The following THOP1 variants were observed in gnomAD, a reference collection of about 807,000 sequenced individuals.
The protein encoded by THOP1 is thimet oligopeptidase 1.
In THOP1, 49 loss-of-function variants were observed where a neutral mutation model predicts 71.8. That is an observed-to-expected ratio of 0.68 (90% CI 0.54 to 0.87). THOP1 has a LOEUF of 0.87. Ranked by LOEUF, THOP1 falls within the 40% of genes least tolerant of loss-of-function variation. The pLI is 0.00. For synonymous variants in THOP1, 426 were observed against 421.5 expected, an observed-to-expected ratio of 1.01 and a Z score of -0.13; for missense variants, 843 against 975.6, an observed-to-expected ratio of 0.86 and a Z score of 1.81.
intron 5 of THOP1, among the ~76,000 whole-genome samples, chr19:2,803,999 G>T (rs556514494): frequency 1.9e-4 from 28 of 150,874 alleles, no homozygotes; most frequent in African/African-American, 5.9e-4. Flanking sequence ...GTGAGCTCCC[G>T]ATCGTTCTTT....
At chr19:2,808,150 G>A in intron 8 of THOP1, 93 bp from the exon 9 acceptor site, 1 of 1,400,730 alleles carries the variant, frequency 7.1e-7, no homozygotes, top group Non-Finnish European at 9.8e-7. Context: ...CCGGCGGTCT[G>A]GGTTAGCAGT....
intron 5 of THOP1, among the ~76,000 whole-genome samples, chr19:2,800,861 GTCCCCGCGGCCACCCGCACCA>G (rs1396289658): frequency 2.0e-5 from 3 of 151,752 alleles, no homozygotes; most frequent in South Asian, 2.1e-4. Flanking sequence ...CACCCGCACC[GTCCCCGCGGCCACCCGCACCA>G]TCCCCGTGGG....
chr19:2,789,724 C>T (rs1915832894), intron 1 of THOP1, among the ~76,000 whole-genome samples: 1 of 152,042 alleles, frequency 6.6e-6, no homozygotes, highest in South Asian at 2.1e-4. Flanking sequence ...CTGATCTGTG[C>T]ATGGTGTCTC....
At chr19:2,799,847 C>T in intron 5 of THOP1, 56 bp downstream of exon 5, 1 of 1,487,010 alleles carries the variant, frequency 6.7e-7, no homozygotes, top group Non-Finnish European at 9.3e-7. Flanking sequence ...TCAGTGCAGG[C>T]CTGCCAGGCC....
At chr19:2,803,036 G>A (rs1184557463) in intron 5 of THOP1, among the ~76,000 whole-genome samples, 2 of 151,032 alleles carry the variant, frequency 1.3e-5, no homozygotes, top group South Asian at 2.1e-4. Context: ...ACTGTGGGGC[G>A]CGCGGTACCG....
In THOP1 at chr19:2,785,623, T is replaced by G. The variant is rs1009015150; in HGVS notation, c.-40T>G. The G allele has an allele frequency of 6.7e-7, 1 of 1,500,896 alleles. No individual in the cohort carries two copies. The highest frequency in any genetic ancestry group is 8.9e-7 in the Non-Finnish European group (1 of 1,126,412). The allele number at this position is 1,500,896 out of a possible 1,614,324, so 93.0% of individuals were successfully genotyped here. On this transcript the variant is annotated 5_prime_UTR_variant, in exon 1 of 13. Coordinates refer to ENST00000307741, the MANE Select transcript of THOP1 (RefSeq NM_003249.5). Reference sequence around the variant, plus strand: ...CCGAGGTGGCTGGACGCGTAGCAGGTGGAAGGAGGGAGGGAGCCGCAGGCG... The same window carrying G: ...CCGAGGTGGCTGGACGCGTAGCAGGGGGAAGGAGGGAGGGAGCCGCAGGCG...
chr19:2,806,299 G>A (rs1054514145), intron 6 of THOP1: 9 of 153,042 alleles, frequency 5.9e-5, no homozygotes, highest in African/African-American at 2.2e-4. Flanking sequence ...GGTGGGCTGA[G>A]TTCCAGGTCC....
At chr19:2,811,542 G>T in intron 11 of THOP1, 56 bp from the exon 12 acceptor site, 1 of 1,570,972 alleles carries the variant, frequency 6.4e-7, no homozygotes, top group South Asian at 1.2e-5. Flanking sequence ...TCTTCTCCTG[G>T]AGGAGGAGCA....
At chr19:2,788,877 C>T (rs1438272835) in intron 1 of THOP1, among the ~76,000 whole-genome samples, 2 of 152,138 alleles carry the variant, frequency 1.3e-5, no homozygotes, top group African/African-American at 2.4e-5. Flanking sequence ...TTTCCTGTCT[C>T]GGCCTCCAGA....
Position 2,808,463 on chromosome 19 carries a change from A to T in THOP1, c.1455+19A>T. On this transcript the variant is annotated intron_variant, in intron 9 of 12. Coordinates refer to ENST00000307741, the MANE Select transcript of THOP1 (RefSeq NM_003249.5). Reference sequence around the variant, plus strand: ...CTCCCAGGTGGGTGCGGGCCCGGGCAGGGGCAGGGGCAGGGGCAGGGGCAG... The same window carrying T: ...CTCCCAGGTGGGTGCGGGCCCGGGCTGGGGCAGGGGCAGGGGCAGGGGCAG... 2 of 1,439,282 alleles carry T rather than the reference A, an allele frequency of 1.4e-6. No individual in the cohort carries two copies. The highest frequency in any genetic ancestry group is 3.4e-5 in the South Asian group (2 of 58,852). The allele number at this position is 1,439,282 out of a possible 1,614,324, so 89.2% of individuals were successfully genotyped here. A position where few individuals can be genotyped will look rare whatever the true frequency, so the allele number is the denominator to read the frequency against.
chr19:2,808,467 G>T (rs1417042816), intron 9 of THOP1, 23 bp downstream of exon 9: 4 of 1,525,880 alleles, frequency 2.6e-6, no homozygotes, highest in Non-Finnish European at 2.6e-6. Flanking sequence ...CCGGGCAGGG[G>T]CAGGGGCAGG....
rs1271206757 is a variant in THOP1, at chr19:2,801,587, T to C, written c.589+1796T>C. 6.6e-6 allele frequency among the ~76,000 whole-genome samples: 1 copy of C among 152,198 alleles called. No individual in the cohort carries two copies. The highest frequency in any genetic ancestry group is 2.4e-5 in the African/African-American group (1 of 41,440). On this transcript the variant is annotated intron_variant, in intron 5 of 12. Transcript: ENST00000307741. This position sits in a 1 kb window ranked among gnomAD's most constrained non-coding sequence, Gnocchi z 5.1. Reference sequence around the variant, plus strand: ...TCATTTCTCAGGAGACGCCTTGCGATGGTCTTAGTTCCTTTTCTTCTGCTT... The same window carrying C: ...TCATTTCTCAGGAGACGCCTTGCGACGGTCTTAGTTCCTTTTCTTCTGCTT...
Position 2,813,377 on chromosome 19 carries a change from CTGG to C in THOP1, c.*102_*104del. On this transcript the variant is annotated 3_prime_UTR_variant, in exon 13 of 13. Coordinates refer to ENST00000307741, the MANE Select transcript of THOP1 (RefSeq NM_003249.5). The stretch of plus-strand genomic sequence containing the variant: ...GCAGGCTCTGGCACAGTGCCTGGGA[CTGG>C]CAGGGTGGCTGAGCGGCTGTCTTGC... The C allele has an allele frequency of 2.2e-6, 3 of 1,368,976 alleles. No individual in the cohort carries two copies. Among genetic ancestry groups the C allele is most frequent in the Non-Finnish European group, 2.9e-6 (3 of 1,033,210 alleles). The allele number at this position is 1,368,976 out of a possible 1,614,324, so 84.8% of individuals were successfully genotyped here.
rs1210278343 is a variant in THOP1, at chr19:2,806,977, G to A, written c.811G>A (p.Gly271Arg). The A allele has an allele frequency of 1.2e-6, 2 of 1,613,060 alleles. No individual in the cohort carries two copies. The highest frequency in any genetic ancestry group is 1.7e-4 in the Middle Eastern group (1 of 6,054). ...GCGGGCCCAGAAGTCCCGCCTGCTG[G>A]GGTTCCACACGCACGCCGACTATGT... is the stretch of plus-strand genomic sequence containing the variant. ...TLRAQKSRLL[G>R]FHTHADYVLE... is the part of the protein sequence containing the mutation. The change falls in exon 7 of 13, where the codon GGG becomes AGG. Residue 271 changes from glycine (G) to arginine (R), a missense_variant. Physicochemically the swap from Gly to Arg is moderately radical, Grantham distance 125. Coordinates refer to ENST00000307741, the MANE Select transcript of THOP1 (RefSeq NM_003249.5).
rs1916234875 is a variant in THOP1 at position 2,804,240 on chromosome 19, C to G, written c.590-776C>G. On this transcript the variant is annotated intron_variant, in intron 5 of 12. Coordinates refer to ENST00000307741, the MANE Select transcript of THOP1 (RefSeq NM_003249.5). The surrounding 1 kb of genome is among the most constrained non-coding windows in gnomAD (Gnocchi z 4.7). ...TCAGTCCGGGATGCTGCCGCCCCCA[C>G]TTCTCTTGAGGCTGTCGGGCAGGGG... Among the ~76,000 whole-genome samples, 1 of 152,222 alleles carries G rather than the reference C, an allele frequency of 6.6e-6. No homozygotes were observed. The highest frequency in any genetic ancestry group is 6.5e-5 in the Admixed American group (1 of 15,284).
chr19:2,796,146 G>A lies in THOP1; in HGVS notation c.444G>A (p.Leu148=). The stretch of plus-strand genomic sequence containing the variant: ...GGTACCTGGAGCGGCTAATCAAGCT[G>A]GGCCGGAGAAATGGGCTTCACCTCC... The part of the protein sequence containing the change: ...AARYLERLIK[L]GRRNGLHLPR... The change falls in exon 4 of 13, where the codon CTG becomes CTA. Residue 148 remains leucine (L), a synonymous_variant. Coordinates refer to ENST00000307741, the MANE Select transcript of THOP1 (RefSeq NM_003249.5). 1 of 1,613,816 alleles carries A rather than the reference G, an allele frequency of 6.2e-7. No individual in the cohort carries two copies. Among genetic ancestry groups the A allele is most frequent in the Non-Finnish European group, 8.5e-7 (1 of 1,179,954 alleles).
chr19:2,811,539 C>T, intron 11 of THOP1, 59 bp from the exon 12 acceptor site: 8 of 1,567,688 alleles, frequency 5.1e-6, no homozygotes, highest in Non-Finnish European at 6.9e-6. Context: ...TTGTCTTCTC[C>T]TGGAGGAGGA....
chr19:2,803,166 A>G (rs961059608), intron 5 of THOP1, among the ~76,000 whole-genome samples: 5 of 152,228 alleles, frequency 3.3e-5, no homozygotes, highest in Non-Finnish European at 7.4e-5. Context: ...GGCGCCTTTG[A>G]GTGGAGGGTG....
At chr19:2,806,475 C>T (rs549411242) in intron 6 of THOP1, 66 of 212,076 alleles carry the variant, frequency 3.1e-4, no homozygotes, top group African/African-American at 1.3e-3. Context: ...AAACGCCTCA[C>T]GTGGCTTTCA....
Sources: allele counts gnomAD v4.1 joint callset (sites outside exome capture counted in the v4.1 genomes callset), GRCh38; gene constraint gnomAD v4.1.1; non-coding constraint Gnocchi (gnomAD v3.1); transcripts MANE v1.5; gene names NCBI Gene and HGNC (gene_info 2026-07-23, HGNC 2026-07-21).